The following TMPRSS4 variants were observed in gnomAD, a reference collection of about 807,000 sequenced individuals.
TMPRSS4 encodes the protein transmembrane protease serine 4.
TMPRSS4 carries 45 observed loss-of-function variants against 56.4 expected under a neutral mutation model. That is an observed-to-expected ratio of 0.80 (90% CI 0.63 to 1.02). The LOEUF is 1.02. TMPRSS4 is among the 50% of genes least tolerant of loss of function. The pLI is 0.00. For synonymous variants in TMPRSS4, 205 were observed against 211.0 expected (o/e 0.97, Z 0.25); for missense variants, 546 against 556.7 (o/e 0.98, Z 0.19).
At chr11:118,108,696 A>G (rs887087609) in intron 6 of TMPRSS4, 160 bp from the exon 7 acceptor site, 3 of 654,276 alleles carry the variant, frequency 4.6e-6, no homozygotes, top group Non-Finnish European at 8.0e-6. Context: ...CAGGAAATGC[A>G]ATGGATGTCA....
At chr11:118,093,928 A>C (rs191671698) in intron 1 of TMPRSS4, among the ~76,000 whole-genome samples, 14 of 151,968 alleles carry the variant, frequency 9.2e-5, no homozygotes, top group Non-Finnish European at 1.9e-4. Flanking sequence ...TCTTCCCTTC[A>C]TCATTATGTC....
In TMPRSS4 at chr11:118,094,810, C is replaced by A. The variant is rs375515074; in HGVS notation, c.4-6C>A. The A allele has an allele frequency of 3.0e-5, 48 of 1,610,940 alleles. No individual in the cohort carries two copies. Among genetic ancestry groups the A allele is most frequent in the Middle Eastern group, 3.3e-4 (2 of 6,080 alleles). On this transcript the variant is annotated splice_region_variant and splice_polypyrimidine_tract_variant and intron_variant, in intron 1 of 12. Coordinates refer to ENST00000437212, the MANE Select transcript of TMPRSS4 (RefSeq NM_019894.4). ...TGCCTCAACTCACTGACTGTTTTTC[C>A]TTCAATTACAGGATCCTGACAGTGA...
In TMPRSS4 at chr11:118,119,424, ACAAT is replaced by A; in HGVS notation, c.*1515_*1518del. 2.2e-6 allele frequency: 2 copies of A among 917,430 alleles called. No individual in the cohort carries two copies. The highest frequency in any genetic ancestry group is 2.6e-6 in the Non-Finnish European group (2 of 768,092). The allele number at this position is 917,430 out of a possible 1,614,324, so 56.8% of individuals were successfully genotyped here. On this transcript the variant is annotated 3_prime_UTR_variant, in exon 13 of 13. Coordinates refer to ENST00000437212, the MANE Select transcript of TMPRSS4 (RefSeq NM_019894.4). Reference sequence around the variant, plus strand: ...CCAAAGATCCTCCAAATATGAGCTCACAATCAAAGATCAGAGACGTTGAAAAATA... The same window carrying A: ...CCAAAGATCCTCCAAATATGAGCTCACAAAGATCAGAGACGTTGAAAAATA...
intron 2 of TMPRSS4, among the ~76,000 whole-genome samples, chr11:118,096,993 AAAG>A (rs1303539255): frequency 3.2e-5 from 4 of 123,362 alleles, no homozygotes; most frequent in Non-Finnish European, 5.0e-5. Flanking sequence ...AGAAAGAAAG[AAAG>A]AAAGAAAGAA....
intron 2 of TMPRSS4, among the ~76,000 whole-genome samples, chr11:118,097,931 G>T (rs1946496727): frequency 6.6e-6 from 1 of 152,140 alleles, no homozygotes; most frequent in African/African-American, 2.4e-5. Flanking sequence ...CCACCATGCT[G>T]GCTAATTTTT....
chr11:118,116,952 T>C (rs1335706343), intron 11 of TMPRSS4, among the ~76,000 whole-genome samples: 2 of 151,994 alleles, frequency 1.3e-5, no homozygotes, highest in Non-Finnish European at 2.9e-5. Context: ...CTCAAGTGAT[T>C]CACCCGCCTC....
chr11:118,083,784 A>T (rs1302072702), intron 1 of TMPRSS4, among the ~76,000 whole-genome samples: 1 of 152,116 alleles, frequency 6.6e-6, no homozygotes, highest in Non-Finnish European at 1.5e-5. Flanking sequence ...GGCTGGGTGC[A>T]GTGGCTCACA....
intron 1 of TMPRSS4, among the ~76,000 whole-genome samples, chr11:118,078,505 G>A (rs1944870210): frequency 6.6e-6 from 1 of 152,224 alleles, no homozygotes; most frequent in Non-Finnish European, 1.5e-5. Flanking sequence ...ATCAGAAAGG[G>A]GAAGGGGCTT....
At chr11:118,084,372 G>A (rs1017059773) in intron 1 of TMPRSS4, among the ~76,000 whole-genome samples, 2 of 152,236 alleles carry the variant, frequency 1.3e-5, no homozygotes, top group African/African-American at 4.8e-5. Flanking sequence ...GGGCAGGAAA[G>A]CAGTAAAGGA....
chr11:118,116,015 C>T (rs1759037671), intron 11 of TMPRSS4, among the ~76,000 whole-genome samples: 1 of 127,508 alleles, frequency 7.8e-6, no homozygotes, highest in Admixed American at 8.2e-5. Context: ...TGTGTGCCCT[C>T]ACCCCGGCCT....
At chr11:118,093,686 A>T (rs978131300) in intron 1 of TMPRSS4, among the ~76,000 whole-genome samples, 2 of 152,174 alleles carry the variant, frequency 1.3e-5, no homozygotes, top group South Asian at 4.1e-4. Flanking sequence ...GTAGTAAAGT[A>T]CTCAAGTCTA....
At chr11:118,088,075 A>G (rs1945699031) in intron 1 of TMPRSS4, 1 of 152,260 alleles carries the variant, frequency 6.6e-6, no homozygotes, top group Non-Finnish European at 1.5e-5. Flanking sequence ...ACAAGGCTGC[A>G]TTGCAAGGGA....
rs193080125 is a variant in TMPRSS4 at position 118,079,537 on chromosome 11, C to A, written c.3+2232C>A. Among the ~76,000 whole-genome samples the A allele has an allele frequency of 2.7e-4, 41 of 152,348 alleles. No individual in the cohort carries two copies. In the East Asian group the frequency reaches 7.5e-3, roughly 28 times the overall value. ...CCATAGCTGAGGCCTGGAGGGAAGT[C>A]AGGGACCCTGGGACTGGTTATCCTG... On this transcript the variant is annotated intron_variant, in intron 1 of 12. Transcript: ENST00000437212.
At chr11:118,095,694 T>C (rs1382338525) in intron 2 of TMPRSS4, among the ~76,000 whole-genome samples, 1 of 152,140 alleles carries the variant, frequency 6.6e-6, no homozygotes, top group African/African-American at 2.4e-5. Context: ...TGAACGTGAC[T>C]ATGCAGAACT....
chr11:118,087,118 G>A (rs971629759), intron 1 of TMPRSS4, among the ~76,000 whole-genome samples: 1 of 152,108 alleles, frequency 6.6e-6, no homozygotes, highest in African/African-American at 2.4e-5. Context: ...TCTGGCTCTA[G>A]GTTTTCCTAT....
chr11:118,081,481 C>G (rs1413312105), intron 1 of TMPRSS4, among the ~76,000 whole-genome samples: 1 of 152,218 alleles, frequency 6.6e-6, no homozygotes, highest in Non-Finnish European at 1.5e-5. Context: ...CTGCCCGTGG[C>G]CCCCAGAGCA....
At chr11:118,099,497 G>GAA (rs1441848855) in intron 3 of TMPRSS4, among the ~76,000 whole-genome samples, 6 of 151,786 alleles carry the variant, frequency 4.0e-5, no homozygotes, top group Non-Finnish European at 8.8e-5. Context: ...AAGAAAGAAA[G>GAA]AAAGACATGT....
At chr11:118,077,777 T>C (rs3782026) in intron 1 of TMPRSS4, among the ~76,000 whole-genome samples, 4,168 of 152,066 alleles carry the variant, frequency 0.027, 142 homozygotes, top group East Asian at 0.11. Flanking sequence ...TTTGCGAGGC[T>C]GAGGCAGACA....
intron 1 of TMPRSS4, among the ~76,000 whole-genome samples, chr11:118,093,595 C>T (rs1411408515): frequency 6.6e-6 from 1 of 152,208 alleles, no homozygotes; most frequent in Non-Finnish European, 1.5e-5. Flanking sequence ...ATAGAAATGC[C>T]TTTGCGTGTA....
Sources: allele counts gnomAD v4.1 joint callset (sites outside exome capture counted in the v4.1 genomes callset), GRCh38; gene constraint gnomAD v4.1.1; transcripts MANE v1.5; gene names NCBI Gene and HGNC (gene_info 2026-07-23, HGNC 2026-07-21).